The following METTL15 variants were observed in gnomAD, a reference collection of about 807,000 sequenced individuals.
The protein encoded by METTL15 is methyltransferase 15, mitochondrial 12S rRNA N4-cytidine.
In METTL15, 34 loss-of-function variants were observed where a neutral mutation model predicts 38.3. That is an observed-to-expected ratio of 0.89 (90% CI 0.68 to 1.18). The LOEUF is 1.18. Ranked by LOEUF, METTL15 falls within the 50% of genes most tolerant of loss-of-function variation. The pLI is 0.00. For synonymous variants in METTL15, 162 were observed against 170.9 expected (o/e 0.95, Z 0.41); for missense variants, 438 against 498.4 (o/e 0.88, Z 1.15).
At chr11:28,314,126 G>A (rs951611834) in intron 6 of METTL15, among the ~76,000 whole-genome samples, 1 of 152,168 alleles carries the variant, frequency 6.6e-6, no homozygotes, top group African/African-American at 2.4e-5. Context: ...GGACATCAGA[G>A]AATTGTATAT....
At chr11:28,449,483 C>A (rs1239710297) in intron 6 of METTL15, among the ~76,000 whole-genome samples, 1 of 152,160 alleles carries the variant, frequency 6.6e-6, no homozygotes, top group South Asian at 2.1e-4. Flanking sequence ...TGAGGAAAGT[C>A]TGATTGAGAG....
At chr11:28,506,613 C>G (rs930275010) in intron 6 of METTL15, among the ~76,000 whole-genome samples, 1 of 151,940 alleles carries the variant, frequency 6.6e-6, no homozygotes, top group African/African-American at 2.4e-5. Context: ...AAACATCTTA[C>G]TTGAGATTAT....
chr11:28,217,282 T>A (rs1461757975), intron 4 of METTL15, among the ~76,000 whole-genome samples: 1 of 152,154 alleles, frequency 6.6e-6, no homozygotes, highest in Non-Finnish European at 1.5e-5. Flanking sequence ...TATCTCATTG[T>A]GGTTTTGATT....
chr11:28,330,382 A>G lies in METTL15; in HGVS notation c.779-14A>G. The G allele has an allele frequency of 1.3e-6, 2 of 1,524,662 alleles. No homozygotes were observed. The highest frequency in any genetic ancestry group is 1.8e-6 in the Non-Finnish European group (2 of 1,135,736). The allele number at this position is 1,524,662 out of a possible 1,614,324, so 94.4% of individuals were successfully genotyped here. On this transcript the variant is annotated splice_polypyrimidine_tract_variant and intron_variant, in intron 6 of 6. Transcript: ENST00000407364. The stretch of plus-strand genomic sequence containing the variant: ...ACCGGTCTTCTTTTCCTATCTTTAC[A>G]ACATTTGTTTTAGGAGCATTTCCTC...
At chr11:28,199,194 G>A (rs1207062780) in intron 3 of METTL15, among the ~76,000 whole-genome samples, 1 of 151,998 alleles carries the variant, frequency 6.6e-6, no homozygotes, top group Non-Finnish European at 1.5e-5. Flanking sequence ...TTTTTTACAT[G>A]AATCAATGTT....
At chr11:28,396,784 A>G (rs546179516) in intron 5 of METTL15, among the ~76,000 whole-genome samples, 1 of 152,266 alleles carries the variant, frequency 6.6e-6, no homozygotes, top group Non-Finnish European at 1.5e-5. Context: ...CATTGCCAAG[A>G]CAATCCTAAG....
Position 28,286,784 on chromosome 11 carries a change from G to C in METTL15, c.408-3422G>C, listed in dbSNP as rs137930290. Among the ~76,000 whole-genome samples, 619 of 151,876 alleles carry C rather than the reference G, an allele frequency of 4.1e-3. 2 individuals carry two copies. The highest frequency in any genetic ancestry group is 6.8e-3 in the Non-Finnish European group (461 of 67,960). On this transcript the variant is annotated intron_variant, in intron 4 of 6. Transcript: ENST00000407364. ...TTAAGTGGAGTTCACTAGAAAACAG[G>C]TATAATTTTATTTTACTCATATTAA...
chr11:28,291,956 A>G (rs893811756), intron 5 of METTL15, among the ~76,000 whole-genome samples: 1 of 152,184 alleles, frequency 6.6e-6, no homozygotes, highest in African/African-American at 2.4e-5. Context: ...ATTAGAGTTA[A>G]GTAAATATAT....
intron 6 of METTL15, among the ~76,000 whole-genome samples, chr11:28,501,107 G>A (rs886798560): frequency 3.3e-5 from 5 of 152,152 alleles, no homozygotes; most frequent in African/African-American, 4.8e-5. Flanking sequence ...TGATTGTGTA[G>A]TTTCAGTAAT....
At chr11:28,380,899 G>A (rs557589043) in intron 5 of METTL15, among the ~76,000 whole-genome samples, 10 of 151,866 alleles carry the variant, frequency 6.6e-5, no homozygotes, top group Admixed American at 5.9e-4. Flanking sequence ...GACCTGTAAG[G>A]TTTCAGTTGA....
intron 3 of METTL15, among the ~76,000 whole-genome samples, chr11:28,168,555 GTGCT>G (rs766363804): frequency 2.0e-5 from 3 of 151,254 alleles, no homozygotes; most frequent in Non-Finnish European, 4.4e-5. Flanking sequence ...CCACGTTGGT[GTGCT>G]GCACCCATTA....
intron 6 of METTL15, among the ~76,000 whole-genome samples, chr11:28,459,447 C>T (rs1851197073): frequency 6.6e-6 from 1 of 152,114 alleles, no homozygotes; most frequent in African/African-American, 2.4e-5. Flanking sequence ...TTTCTAAAGC[C>T]TATGCCTTTT....
chr11:28,304,308 A>G (rs920544695), intron 6 of METTL15, among the ~76,000 whole-genome samples: 1 of 152,186 alleles, frequency 6.6e-6, no homozygotes, highest in African/African-American at 2.4e-5. Flanking sequence ...ATGTTAAGGT[A>G]TATCTTTCCA....
intron 3 of METTL15, among the ~76,000 whole-genome samples, chr11:28,196,394 C>T (rs1174844706): frequency 6.6e-6 from 1 of 151,768 alleles, no homozygotes; most frequent in Non-Finnish European, 1.5e-5. Context: ...TGTTTTGTAG[C>T]TCACCTTGTA....
At chr11:28,385,923 C>A (rs1316651805) in intron 5 of METTL15, among the ~76,000 whole-genome samples, 1 of 151,928 alleles carries the variant, frequency 6.6e-6, no homozygotes, top group African/African-American at 2.4e-5. Context: ...AAAAGCATAA[C>A]AAATAGCTGT....
At chr11:28,422,520 A>T (rs981521235) in intron 5 of METTL15, among the ~76,000 whole-genome samples, 2 of 151,972 alleles carry the variant, frequency 1.3e-5, no homozygotes, top group Non-Finnish European at 1.5e-5. Flanking sequence ...CAGAATAGAG[A>T]ACTCAGAAAC....
chr11:28,113,975 T>G (rs1221460502), intron 3 of METTL15, among the ~76,000 whole-genome samples: 1 of 152,186 alleles, frequency 6.6e-6, no homozygotes, highest in Non-Finnish European at 1.5e-5. Flanking sequence ...AAATGCATTT[T>G]TGACACATGG....
At position 28,234,171 on chromosome 11, in the gene METTL15, A is replaced by G. The variant is rs778866000; in HGVS notation, c.407+22973A>G. ...ATGGCAGCGTAGTATTCCATGGTGT[A>G]TATGTGCCACATTTTCTTAATCCAC... is the stretch of plus-strand genomic sequence containing the variant. On this transcript the variant is annotated intron_variant, in intron 4 of 6. Transcript: ENST00000407364. Among the ~76,000 whole-genome samples, 5 of 152,238 alleles carry G rather than the reference A, an allele frequency of 3.3e-5. No homozygotes were observed. The South Asian group carries it at 8.3e-4, about 25-fold the overall frequency.
At chr11:28,202,920 G>A (rs1034283465) in intron 3 of METTL15, among the ~76,000 whole-genome samples, 10 of 151,900 alleles carry the variant, frequency 6.6e-5, no homozygotes, top group African/African-American at 2.4e-4. Context: ...ATGTTTTCAT[G>A]TTCATTTTCG....
Sources: gnomAD v4.1 joint callset for allele counts (sites outside exome capture counted in the v4.1 genomes callset) on GRCh38, gnomAD v4.1.1 for gene constraint, MANE v1.5 for transcripts, NCBI Gene and HGNC (gene_info 2026-07-23, HGNC 2026-07-21) for gene names.